VTCN1: variants seen among roughly 807,000 people sequenced by gnomAD.
The protein encoded by VTCN1 is V-set domain containing T cell activation inhibitor 1.
A neutral mutation model predicts 26.5 loss-of-function variants in VTCN1; 26 were observed. The observed-to-expected ratio is 0.98, with a 90% CI of 0.72 to 1.36. The LOEUF is 1.36. VTCN1 is among the 40% of genes most tolerant of loss of function. The pLI, the probability that VTCN1 is intolerant of heterozygous loss-of-function variation, is 0.00. For synonymous variants in VTCN1, 116 were observed against 130.7 expected (o/e 0.89, Z 0.77); for missense variants, 298 against 337.7 (o/e 0.88, Z 0.92).
At chr1:117,204,613 T>C (rs1264602382) in intron 1 of VTCN1, among the ~76,000 whole-genome samples, 1 of 152,052 alleles carries the variant, frequency 6.6e-6, no homozygotes, top group African/African-American at 2.4e-5. Context: ...ACGCCTGTAA[T>C]CCCAGCACTT....
chr1:117,180,868 T>C (rs1186851283), intron 1 of VTCN1, among the ~76,000 whole-genome samples: 1 of 152,224 alleles, frequency 6.6e-6, no homozygotes, highest in African/African-American at 2.4e-5. Context: ...AGGGACAGCC[T>C]GATCATTTCT....
intron 4 of VTCN1, among the ~76,000 whole-genome samples, chr1:117,151,047 C>T (rs1170107780): frequency 6.6e-6 from 1 of 152,062 alleles, no homozygotes; most frequent in Non-Finnish European, 1.5e-5. Context: ...GATTCTATCT[C>T]TTGACTTTGG....
chr1:117,195,667 A>G (rs1437436816), intron 1 of VTCN1, among the ~76,000 whole-genome samples: 1 of 152,210 alleles, frequency 6.6e-6, no homozygotes, highest in Non-Finnish European at 1.5e-5. Flanking sequence ...ACTTTAAAGC[A>G]TATAAATGGT....
chr1:117,193,450 G>A (rs1648350602), intron 1 of VTCN1, among the ~76,000 whole-genome samples: 1 of 152,130 alleles, frequency 6.6e-6, no homozygotes, highest in Admixed American at 6.6e-5. Context: ...CAATGGCTAT[G>A]CTTATATCAG....
chr1:117,174,931 G>A (rs1362764630), intron 1 of VTCN1, among the ~76,000 whole-genome samples: 1 of 152,204 alleles, frequency 6.6e-6, no homozygotes, highest in Non-Finnish European at 1.5e-5. Flanking sequence ...CAGGATCTAA[G>A]CATTGCACTT....
chr1:117,188,441 G>A (rs58749781), intron 1 of VTCN1, among the ~76,000 whole-genome samples: 17,275 of 152,168 alleles, frequency 0.11, 1,043 homozygotes, highest in East Asian at 0.15. Context: ...AGGGACTGAG[G>A]CAATATCAGG....
At chr1:117,205,555 C>T (rs573218239) in intron 1 of VTCN1, among the ~76,000 whole-genome samples, 1 of 152,314 alleles carries the variant, frequency 6.6e-6, no homozygotes, top group South Asian at 2.1e-4. Context: ...CAACAATCCA[C>T]AGGCTGCAGC....
chr1:117,197,226 G>A (rs190076732), intron 1 of VTCN1, among the ~76,000 whole-genome samples: 1 of 152,244 alleles, frequency 6.6e-6, no homozygotes, highest in Non-Finnish European at 1.5e-5. Context: ...CATTGACCCA[G>A]TAATTTGTCT....
At chr1:117,198,122 T>C (rs930318822) in intron 1 of VTCN1, among the ~76,000 whole-genome samples, 1 of 152,340 alleles carries the variant, frequency 6.6e-6, no homozygotes, top group Middle Eastern at 3.4e-3. Flanking sequence ...TAAATTAACG[T>C]GTGCTATCAT....
At chr1:117,187,426 G>C (rs10923217) in intron 1 of VTCN1, among the ~76,000 whole-genome samples, 74,495 of 151,760 alleles carry the variant, frequency 0.49, 19,426 homozygotes, top group East Asian at 0.82. Flanking sequence ...GGAACTAGGG[G>C]ACAAAGCAAT....
At chr1:117,148,935 A>G (rs1651653936) in intron 4 of VTCN1, among the ~76,000 whole-genome samples, 1 of 152,198 alleles carries the variant, frequency 6.6e-6, no homozygotes, top group African/African-American at 2.4e-5. Flanking sequence ...GCACAGCAGA[A>G]TGTACACGGG....
At chr1:117,204,781 A>G (rs1248719364) in intron 1 of VTCN1, among the ~76,000 whole-genome samples, 2 of 151,812 alleles carry the variant, frequency 1.3e-5, no homozygotes, top group African/African-American at 4.8e-5. Flanking sequence ...CAGGAGAATC[A>G]CTTGAACATG....
chr1:117,170,279 A>G (rs1162603353), intron 1 of VTCN1, 108 bp from the exon 2 acceptor site: 1 of 1,086,688 alleles, frequency 9.2e-7, no homozygotes, highest in Non-Finnish European at 1.4e-6. Flanking sequence ...TACATAAAGC[A>G]TCTCAACTTT....
intron 1 of VTCN1, among the ~76,000 whole-genome samples, chr1:117,172,999 G>A (rs1053785066): frequency 2.0e-5 from 3 of 152,108 alleles, no homozygotes; most frequent in Admixed American, 6.5e-5. Flanking sequence ...TTGTTCTTTC[G>A]CTCTTCACAG....
At chr1:117,170,023 G>T in intron 2 of VTCN1, 84 bp downstream of exon 2, 1 of 1,314,238 alleles carries the variant, frequency 7.6e-7, no homozygotes, top group Non-Finnish European at 1.1e-6. Flanking sequence ...AAAGCTCTGG[G>T]CTCTTTCCAT....
intron 1 of VTCN1, among the ~76,000 whole-genome samples, chr1:117,199,341 T>C (rs1365944169): frequency 6.6e-6 from 1 of 152,210 alleles, no homozygotes; most frequent in Non-Finnish European, 1.5e-5. Flanking sequence ...TTTCTTTCTT[T>C]TTGAGACTGA....
Position 117,147,646 on chromosome 1 carries a change from G to A in VTCN1, c.*12C>T. On this transcript the variant is annotated 3_prime_UTR_variant, in exon 5 of 6. Coordinates refer to ENST00000369458, the MANE Select transcript of VTCN1 (RefSeq NM_024626.4). The surrounding 1 kb of genome is among the most constrained non-coding windows in gnomAD (Gnocchi z 4.6). ...ACAATGACTTTGCATGCTTTTTTGT[G>A]GCCGAGGCACATTATTTTAGCATCA... The A allele has an allele frequency of 6.2e-7, 1 of 1,609,566 alleles. No individual in the cohort carries two copies.
At chr1:117,205,157 T>TATAGAG (rs112844786) in intron 1 of VTCN1, among the ~76,000 whole-genome samples, 77 of 137,982 alleles carry the variant, frequency 5.6e-4, no homozygotes, top group South Asian at 9.3e-4. Context: ...TATATATATA[T>TATAGAG]AGAGAGAGAG....
In VTCN1 at chr1:117,183,810, CCA is replaced by C. The variant is rs996391775; in HGVS notation, c.33-13641_33-13640del. Among the ~76,000 whole-genome samples the C allele has an allele frequency of 6.6e-6, 1 of 152,036 alleles. No homozygotes were observed. Among genetic ancestry groups the C allele is most frequent in the African/African-American group, 2.4e-5 (1 of 41,390 alleles). On this transcript the variant is annotated intron_variant, in intron 1 of 5. Coordinates refer to ENST00000369458, the MANE Select transcript of VTCN1 (RefSeq NM_024626.4). The surrounding 1 kb of genome is among the most constrained non-coding windows in gnomAD (Gnocchi z 4.1). ...AAAAAGAAAAAAATAAAAGACAAAA[CCA>C]CACACACATTTTTGGGTACTTCATT...
Sources: allele counts gnomAD v4.1 joint callset (sites outside exome capture counted in the v4.1 genomes callset), GRCh38; gene constraint gnomAD v4.1.1; non-coding constraint Gnocchi (gnomAD v3.1); transcripts MANE v1.5; gene names NCBI Gene and HGNC (gene_info 2026-07-23, HGNC 2026-07-21).